PLD5: variants seen among roughly 807,000 people sequenced by gnomAD.
The protein encoded by PLD5 is phospholipase D family member 5, also known as inactive phospholipase D5.
In PLD5, 36 loss-of-function variants were observed where a neutral mutation model predicts 61.1. The observed-to-expected ratio is 0.59, with a 90% CI of 0.45 to 0.78. The LOEUF (loss-of-function observed/expected upper bound fraction) is 0.78, where lower values mean the gene tolerates loss of function less well. Among genes scored for constraint, PLD5 ranks in the 30% least tolerant of loss-of-function variants. The probability of loss-of-function intolerance (pLI) is 0.00; values close to 1 mark genes in which losing one functional copy is unlikely to be tolerated. For synonymous variants in PLD5, 243 were observed against 242.8 expected, an observed-to-expected ratio of 1.00 and a Z score of -0.01; for missense variants, 515 against 644.4, an observed-to-expected ratio of 0.80 and a Z score of 2.17.
chr1:242,476,373 GA>G (rs1280068656), intron 1 of PLD5, among the ~76,000 whole-genome samples: 2 of 151,564 alleles, frequency 1.3e-5, no homozygotes, highest in African/African-American at 4.8e-5. Context: ...AAAGAAAAAA[GA>G]AAAAAGAAAA....
At chr1:242,510,627 T>C (rs1256988621) in intron 1 of PLD5, among the ~76,000 whole-genome samples, 1 of 151,900 alleles carries the variant, frequency 6.6e-6, no homozygotes, top group Non-Finnish European at 1.5e-5. Context: ...GGGTGGATCA[T>C]GAGGTCAGGA....
intron 5 of PLD5, among the ~76,000 whole-genome samples, chr1:242,206,553 C>A (rs1476967023): frequency 6.6e-6 from 1 of 152,144 alleles, no homozygotes; most frequent in African/African-American, 2.4e-5. Flanking sequence ...CTACTGTTGA[C>A]CAGAATAGTC....
intron 4 of PLD5, among the ~76,000 whole-genome samples, chr1:242,253,305 C>CTT (rs1181235404): frequency 1.3e-4 from 9 of 70,688 alleles, no homozygotes; most frequent in South Asian, 1.4e-3. Context: ...CCTCTCTTCA[C>CTT]TTTTTTTTTT....
chr1:242,171,663 AC>A (rs1479853533), intron 5 of PLD5, among the ~76,000 whole-genome samples: 1 of 151,978 alleles, frequency 6.6e-6, no homozygotes, highest in Non-Finnish European at 1.5e-5. Context: ...CATGGAAAAA[AC>A]CACATAGGCT....
At chr1:242,288,774 CAG>C (rs1256576362) in intron 2 of PLD5, among the ~76,000 whole-genome samples, 2 of 152,196 alleles carry the variant, frequency 1.3e-5, no homozygotes. Flanking sequence ...CAGAAAATAA[CAG>C]AGTATGTCTC....
chr1:242,342,070 GT>G (rs1291550258), intron 2 of PLD5, among the ~76,000 whole-genome samples: 1 of 152,120 alleles, frequency 6.6e-6, no homozygotes. Flanking sequence ...AAGACAGTAT[GT>G]TTACTCAGCT....
chr1:242,246,518 A>ACACACAG (rs1256880675), intron 4 of PLD5, among the ~76,000 whole-genome samples: 2 of 73,634 alleles, frequency 2.7e-5, no homozygotes, highest in Non-Finnish European at 6.5e-5. Flanking sequence ...CACACACACA[A>ACACACAG]AAGCAAAATC....
chr1:242,315,319 C>A (rs1255793120), intron 2 of PLD5, among the ~76,000 whole-genome samples: 1 of 152,104 alleles, frequency 6.6e-6, no homozygotes, highest in Non-Finnish European at 1.5e-5. Flanking sequence ...GAGTCTAAAT[C>A]AATAAACAAT....
At chr1:242,263,605 G>C (rs1673492645) in intron 4 of PLD5, among the ~76,000 whole-genome samples, 1 of 151,796 alleles carries the variant, frequency 6.6e-6, no homozygotes, top group Admixed American at 6.6e-5. Context: ...GAGAAATTAG[G>C]GTCCTGTTCA....
intron 8 of PLD5, among the ~76,000 whole-genome samples, chr1:242,103,714 C>G (rs1045578123): frequency 6.6e-5 from 10 of 152,164 alleles, no homozygotes; most frequent in African/African-American, 2.2e-4. Context: ...CTGGTTGTTT[C>G]ATTTATTTGA....
At chr1:242,148,338 T>A (rs1664686432) in intron 5 of PLD5, among the ~76,000 whole-genome samples, 1 of 139,186 alleles carries the variant, frequency 7.2e-6, no homozygotes, top group African/African-American at 2.6e-5. Flanking sequence ...CTCTATTTGC[T>A]TTCATTGGTC....
chr1:242,181,312 C>G (rs994693114), intron 5 of PLD5, among the ~76,000 whole-genome samples: 1 of 152,114 alleles, frequency 6.6e-6, no homozygotes, highest in Non-Finnish European at 1.5e-5. Context: ...TAGTGAAAAG[C>G]CACATGTAGC....
chr1:242,467,538 C>T (rs1173081683), intron 1 of PLD5, among the ~76,000 whole-genome samples: 2 of 152,134 alleles, frequency 1.3e-5, no homozygotes, highest in Non-Finnish European at 2.9e-5. Flanking sequence ...CGTTTCTTGA[C>T]CAAATATAGC....
intron 5 of PLD5, among the ~76,000 whole-genome samples, chr1:242,195,947 A>C (rs1441487767): frequency 6.6e-6 from 1 of 152,198 alleles, no homozygotes; most frequent in Admixed American, 6.5e-5. Context: ...GAGGGGCTGA[A>C]GAGAAGAGGG....
chr1:242,530,074 A>G, the PLD5 span, among the ~76,000 whole-genome samples: 1 of 152,106 alleles, frequency 6.6e-6, no homozygotes, highest in Non-Finnish European at 1.5e-5. Flanking sequence ...TTGTATTTTT[A>G]GTAGAGATGG....
chr1:242,297,403 C>CT (rs71176739), intron 2 of PLD5, among the ~76,000 whole-genome samples: 64 of 21,898 alleles, frequency 2.9e-3, no homozygotes, highest in African/African-American at 7.5e-3. Flanking sequence ...CCCTTCAAGA[C>CT]TTTTTTTTTT....
At chr1:242,336,320 T>C (rs1194941834) in intron 2 of PLD5, among the ~76,000 whole-genome samples, 1 of 152,192 alleles carries the variant, frequency 6.6e-6, no homozygotes, top group Admixed American at 6.5e-5. Flanking sequence ...GATATTCTAC[T>C]ACCTAGGCTA....
chr1:242,098,435 T>A (rs191531567), intron 9 of PLD5, among the ~76,000 whole-genome samples: 6 of 152,326 alleles, frequency 3.9e-5, no homozygotes, highest in Admixed American at 3.9e-4. Context: ...CTTCTCTGCA[T>A]CGGTTATTGT....
At chr1:242,282,149 T>C (rs1282336735) in intron 3 of PLD5, among the ~76,000 whole-genome samples, 1 of 152,142 alleles carries the variant, frequency 6.6e-6, no homozygotes, top group East Asian at 1.9e-4. Context: ...AACCCTTATA[T>C]AGGCACTAAA....
Sources: gnomAD v4.1 joint callset for allele counts (sites outside exome capture counted in the v4.1 genomes callset) on GRCh38, gnomAD v4.1.1 for gene constraint, MANE v1.5 for transcripts, NCBI Gene and HGNC (gene_info 2026-07-23, HGNC 2026-07-21) for gene names.